Variants in NFIA observed in about 807,000 individuals in gnomAD.
NFIA encodes nuclear factor 1 A-type.
In NFIA, 8 loss-of-function variants were observed where a neutral mutation model predicts 62.8. That is an observed-to-expected ratio of 0.13 (90% CI 0.07 to 0.23). The LOEUF (loss-of-function observed/expected upper bound fraction) is 0.23. Ranked by LOEUF, NFIA falls within the 10% of genes least tolerant of loss-of-function variation. The pLI is 1.00. For synonymous variants in NFIA, 235 were observed against 238.1 expected, an observed-to-expected ratio of 0.99 and a Z score of 0.12; for missense variants, 410 against 642.1, an observed-to-expected ratio of 0.64 and a Z score of 3.91.
chr1:61,317,655 A>G (rs1360180745), intron 3 of NFIA, among the ~76,000 whole-genome samples: 2 of 152,062 alleles, frequency 1.3e-5, no homozygotes, highest in Admixed American at 6.6e-5. Flanking sequence ...ATAAAATTAC[A>G]TTATCTACAT....
At chr1:61,299,852 C>T (rs904758767) in intron 3 of NFIA, among the ~76,000 whole-genome samples, 13 of 152,120 alleles carry the variant, frequency 8.5e-5, no homozygotes, top group Admixed American at 6.6e-4. Flanking sequence ...ACAAACAGGC[C>T]AATACCTTCA....
intron 2 of NFIA, among the ~76,000 whole-genome samples, chr1:61,182,390 T>C (rs531917603): frequency 3.4e-4 from 52 of 152,338 alleles, no homozygotes; most frequent in African/African-American, 1.1e-3. Flanking sequence ...GGTTAAGAGT[T>C]AGATTAGACA....
chr1:61,252,317 G>T (rs76549035), intron 2 of NFIA, among the ~76,000 whole-genome samples: 8 of 152,256 alleles, frequency 5.3e-5, no homozygotes, highest in Non-Finnish European at 1.0e-4. Flanking sequence ...TTTACCAGTT[G>T]TGTGCTTACC....
intron 3 of NFIA, among the ~76,000 whole-genome samples, chr1:61,296,690 G>A (rs1414265): frequency 2.0e-5 from 3 of 151,790 alleles, no homozygotes; most frequent in African/African-American, 2.4e-5. Context: ...TTTGAGCCTC[G>A]ATTTCTACCC....
chr1:61,310,636 A>G (rs1210954058), intron 3 of NFIA, among the ~76,000 whole-genome samples: 1 of 152,124 alleles, frequency 6.6e-6, no homozygotes, highest in East Asian at 1.9e-4. Flanking sequence ...CTTCAGCCTC[A>G]TCAGTGTTCC....
chr1:61,087,437 T>C (rs925232772), intron 1 of NFIA, among the ~76,000 whole-genome samples: 3 of 152,164 alleles, frequency 2.0e-5, no homozygotes, highest in Admixed American at 6.5e-5. Context: ...AATTATGTCT[T>C]GGGCATAGAT....
chr1:61,408,618 C>T (rs984176493), intron 9 of NFIA, among the ~76,000 whole-genome samples: 32 of 152,222 alleles, frequency 2.1e-4, no homozygotes, highest in Admixed American at 2.0e-4. Flanking sequence ...CTCACCTCCA[C>T]TCTCAATGGC....
intron 2 of NFIA, among the ~76,000 whole-genome samples, chr1:61,105,522 C>A (rs560159293): frequency 6.6e-6 from 1 of 151,956 alleles, no homozygotes; most frequent in Non-Finnish European, 1.5e-5. Flanking sequence ...CATGGCCTTT[C>A]TTGTGGTGCT....
At chr1:61,233,548 T>C (rs955952420) in intron 2 of NFIA, among the ~76,000 whole-genome samples, 7 of 152,212 alleles carry the variant, frequency 4.6e-5, no homozygotes, top group Non-Finnish European at 1.0e-4. Context: ...AGTTGGTGCT[T>C]ACTACTTGTG....
intron 2 of NFIA, among the ~76,000 whole-genome samples, chr1:61,184,894 A>G (rs765257481): frequency 5.3e-5 from 8 of 152,252 alleles, no homozygotes; most frequent in Admixed American, 1.3e-4. Context: ...AGTTACTTCT[A>G]TGAACTTTTC....
intron 2 of NFIA, among the ~76,000 whole-genome samples, chr1:61,261,284 C>T (rs1656757998): frequency 6.6e-6 from 1 of 152,172 alleles, no homozygotes; most frequent in Admixed American, 6.5e-5. Flanking sequence ...TACAGATGGT[C>T]TCTAACTTAG....
intron 2 of NFIA, among the ~76,000 whole-genome samples, chr1:61,205,511 G>C (rs1435328301): frequency 6.6e-6 from 1 of 152,164 alleles, no homozygotes; most frequent in Admixed American, 6.5e-5. Context: ...ACTCGGTCCA[G>C]TGTCTTCATA....
chr1:61,455,271 A>G (rs563662548), intron 10 of NFIA, 32 bp from the exon 11 acceptor site: 3 of 1,612,228 alleles, frequency 1.9e-6, no homozygotes, highest in East Asian at 2.2e-5. Context: ...ACAAATTGTG[A>G]TTTTAATTGT....
rs112143184 is a variant in NFIA, at chr1:61,284,616, C to G, written c.625+7031C>G. On this transcript the variant is annotated intron_variant, in intron 3 of 10. Coordinates refer to ENST00000403491, the MANE Select transcript of NFIA (RefSeq NM_001134673.4). ...GTAGCCATTTTAAAGTAGTCTTATC[C>G]TCACACATTATGAGTATTTTATTGT... Among the ~76,000 whole-genome samples the G allele has an allele frequency of 9.2e-5, 14 of 152,266 alleles. 1 individual carries two copies. Among genetic ancestry groups the G allele is most frequent in the African/African-American group, 3.1e-4 (13 of 41,552 alleles).
rs935100648 is a variant in NFIA at position 61,451,245 on chromosome 1, A to G, written c.1513-4058A>G. On this transcript the variant is annotated intron_variant, in intron 10 of 10. Transcript: ENST00000403491. ...GGGATTCGAACTTTCATGGAGCTGT[A>G]AATTAACGGGCGGCAAGTGTGATAA... is the stretch of plus-strand genomic sequence containing the variant. Among the ~76,000 whole-genome samples, 29 of 152,314 alleles carry G rather than the reference A, an allele frequency of 1.9e-4. 1 individual carries two copies. Among genetic ancestry groups the G allele is most frequent in the South Asian group, 6.2e-4 (3 of 4,822 alleles).
intron 7 of NFIA, among the ~76,000 whole-genome samples, chr1:61,390,142 G>A (rs1664896981): frequency 6.6e-6 from 1 of 152,106 alleles, no homozygotes; most frequent in Non-Finnish European, 1.5e-5. Context: ...CAACTACAGT[G>A]GCATCTGGCA....
intron 10 of NFIA, among the ~76,000 whole-genome samples, chr1:61,446,038 T>A (rs1667794925): frequency 1.3e-5 from 2 of 151,730 alleles, no homozygotes; most frequent in East Asian, 1.9e-4. Flanking sequence ...AAAAAAAAAA[T>A]GATTCCTGGC....
chr1:61,341,518 G>A (rs1232373811), intron 4 of NFIA, among the ~76,000 whole-genome samples: 1 of 151,800 alleles, frequency 6.6e-6, no homozygotes. Context: ...TCACTCTGTT[G>A]TCCAGGCTGG....
intron 4 of NFIA, among the ~76,000 whole-genome samples, chr1:61,335,394 C>T (rs1298605990): frequency 6.6e-6 from 1 of 152,184 alleles, no homozygotes; most frequent in African/African-American, 2.4e-5. Flanking sequence ...ACACTCAAGC[C>T]GCATGCTGGA....
Sources: gnomAD v4.1 joint callset for allele counts (sites outside exome capture counted in the v4.1 genomes callset) on GRCh38, gnomAD v4.1.1 for gene constraint, MANE v1.5 for transcripts, NCBI Gene and HGNC (gene_info 2026-07-23, HGNC 2026-07-21) for gene names.